The following TRAPPC9 variants were observed in gnomAD, a reference collection of about 807,000 sequenced individuals.
TRAPPC9 encodes trafficking protein particle complex subunit 9, also known as IKK2 binding protein.
Under a neutral mutation model 124.0 loss-of-function variants are expected in TRAPPC9, and 83 were observed. The observed-to-expected ratio is 0.67, with a 90% CI of 0.56 to 0.80. The LOEUF (loss-of-function observed/expected upper bound fraction) is 0.80, where lower values mean the gene tolerates loss of function less well. TRAPPC9 is among the 30% of genes least tolerant of loss of function. The pLI, the probability that TRAPPC9 is intolerant of heterozygous loss-of-function variation, is 0.00. For missense variants in TRAPPC9, 1,302 were observed against 1,508.3 expected, an observed-to-expected ratio of 0.86 and a Z score of 2.27; for synonymous variants, 638 against 617.5, an observed-to-expected ratio of 1.03 and a Z score of -0.49.
chr8:140,334,991 G>A (rs1286305987), intron 9 of TRAPPC9, among the ~76,000 whole-genome samples: 1 of 152,120 alleles, frequency 6.6e-6, no homozygotes, highest in African/African-American at 2.4e-5. Flanking sequence ...AAAATGTTCA[G>A]TGTATCTGAA....
chr8:139,793,555 T>G (rs1822848345), intron 21 of TRAPPC9, among the ~76,000 whole-genome samples: 1 of 152,192 alleles, frequency 6.6e-6, no homozygotes, highest in South Asian at 2.1e-4. Flanking sequence ...CACCTGTTTG[T>G]GCCACCATGG....
intron 1 of TRAPPC9, among the ~76,000 whole-genome samples, chr8:140,453,247 C>T (rs1217981493): frequency 6.6e-6 from 1 of 152,146 alleles, no homozygotes; most frequent in Non-Finnish European, 1.5e-5. Context: ...GCAGCTGTAC[C>T]ATGAGCTAAT....
chr8:140,154,500 C>A (rs2061597763), intron 17 of TRAPPC9, among the ~76,000 whole-genome samples: 1 of 152,190 alleles, frequency 6.6e-6, no homozygotes, highest in Non-Finnish European at 1.5e-5. Flanking sequence ...TAATACCCAA[C>A]CCCACTGTGG....
chr8:140,119,242 A>C (rs1180049782), intron 17 of TRAPPC9, among the ~76,000 whole-genome samples: 1 of 152,262 alleles, frequency 6.6e-6, no homozygotes, highest in African/African-American at 2.4e-5. Flanking sequence ...ATCTGGAATG[A>C]GTTCAGGAAA....
chr8:140,361,839 G>A (rs770472468), intron 8 of TRAPPC9, among the ~76,000 whole-genome samples: 6 of 152,180 alleles, frequency 3.9e-5, no homozygotes, highest in South Asian at 2.1e-4. Context: ...GAGACTGGGC[G>A]CTCGGCTGAG....
At chr8:140,175,566 A>C (rs1204741676) in intron 17 of TRAPPC9, among the ~76,000 whole-genome samples, 2 of 152,224 alleles carry the variant, frequency 1.3e-5, no homozygotes, top group African/African-American at 2.4e-5. Context: ...ACTTGCTGAC[A>C]AGACCAATTC....
At chr8:140,128,833 C>T (rs984370975) in intron 17 of TRAPPC9, among the ~76,000 whole-genome samples, 2 of 152,138 alleles carry the variant, frequency 1.3e-5, no homozygotes, top group African/African-American at 4.8e-5. Context: ...AAAAGGCCTG[C>T]ACATGGGAGA....
chr8:139,933,668 C>T (rs767114043), intron 19 of TRAPPC9: 3 of 152,310 alleles, frequency 2.0e-5, no homozygotes, highest in Non-Finnish European at 2.9e-5. Context: ...TCTACTTACA[C>T]TTGCTCAGCA....
intron 19 of TRAPPC9, among the ~76,000 whole-genome samples, chr8:139,926,829 T>C (rs1320694511): frequency 6.6e-6 from 1 of 151,868 alleles, no homozygotes; most frequent in Non-Finnish European, 1.5e-5. Flanking sequence ...AAGAAAATAT[T>C]GAGAAACTAA....
At chr8:139,943,920 C>T (rs1326319266) in intron 19 of TRAPPC9, among the ~76,000 whole-genome samples, 2 of 152,148 alleles carry the variant, frequency 1.3e-5, no homozygotes, top group Non-Finnish European at 2.9e-5. Flanking sequence ...GCTTCAGGGA[C>T]CTGTGGAACA....
intron 16 of TRAPPC9, among the ~76,000 whole-genome samples, chr8:140,230,800 A>G (rs1179249033): frequency 2.6e-5 from 4 of 151,942 alleles, no homozygotes; most frequent in Admixed American, 6.6e-5. Flanking sequence ...AAAAAAGTGG[A>G]TGAAACTGAA....
chr8:140,291,796 G>T (rs2065668631), intron 11 of TRAPPC9, among the ~76,000 whole-genome samples: 1 of 152,234 alleles, frequency 6.6e-6, no homozygotes, highest in Non-Finnish European at 1.5e-5. Context: ...TGCCTAGAGG[G>T]CCTGTGGAGG....
intron 17 of TRAPPC9, among the ~76,000 whole-genome samples, chr8:140,060,685 C>A (rs879264272): frequency 6.6e-6 from 1 of 151,482 alleles, no homozygotes; most frequent in Non-Finnish European, 1.5e-5. Flanking sequence ...GACCACAGTG[C>A]TGTGCTGGGT....
At chr8:139,981,102 G>A (rs1015198073) in intron 19 of TRAPPC9, among the ~76,000 whole-genome samples, 2 of 152,184 alleles carry the variant, frequency 1.3e-5, no homozygotes, top group Non-Finnish European at 2.9e-5. Flanking sequence ...CAGGCTGAAC[G>A]CAAACGTTCC....
chr8:140,094,867 G>A (rs1422686808), intron 17 of TRAPPC9: 4 of 152,348 alleles, frequency 2.6e-5, no homozygotes, highest in African/African-American at 4.8e-5. Context: ...GACTGGCTTT[G>A]TATCAAGAGC....
At chr8:140,129,279 T>C (rs2061158828) in intron 17 of TRAPPC9, among the ~76,000 whole-genome samples, 1 of 151,986 alleles carries the variant, frequency 6.6e-6, no homozygotes, top group Non-Finnish European at 1.5e-5. Flanking sequence ...GTCTGGCCCC[T>C]TGCAAGGTGA....
chr8:140,355,862 G>A (rs113465645), intron 9 of TRAPPC9, among the ~76,000 whole-genome samples: 2 of 152,352 alleles, frequency 1.3e-5, no homozygotes, highest in African/African-American at 4.8e-5. Flanking sequence ...AATGTGACCT[G>A]TTATAAAATG....
rs3779658 is a variant in TRAPPC9, at chr8:140,397,599, T to C, written c.1134+21A>G. 0.33 allele frequency: 530,068 copies of C among 1,612,502 alleles called. 90,556 individuals carry two copies. Among genetic ancestry groups the C allele is most frequent in the East Asian group, 0.46 (20,773 of 44,836 alleles). On this transcript the variant is annotated intron_variant, in intron 7 of 22. Coordinates refer to ENST00000438773, the MANE Select transcript of TRAPPC9 (RefSeq NM_001160372.4). ...TAAGAACTGGATGAACTCTTCCACT[T>C]ACAGGTAGACATACACTCACCTGTC...
intron 17 of TRAPPC9, among the ~76,000 whole-genome samples, chr8:140,108,645 G>A (rs181976117): frequency 5.9e-5 from 9 of 152,280 alleles, no homozygotes; most frequent in East Asian, 5.8e-4. Context: ...CAGACTCCCC[G>A]ACCTTAGAAG....
Sources: gnomAD v4.1 joint callset for allele counts (sites outside exome capture counted in the v4.1 genomes callset) on GRCh38, gnomAD v4.1.1 for gene constraint, MANE v1.5 for transcripts, NCBI Gene and HGNC (gene_info 2026-07-23, HGNC 2026-07-21) for gene names.